COX10: variants seen among roughly 807,000 people sequenced by gnomAD.
The protein encoded by COX10 is cytochrome c oxidase assembly factor heme A:farnesyltransferase COX10.
In COX10, 27 loss-of-function variants were observed where a neutral mutation model predicts 37.3. The observed-to-expected ratio is 0.72, with a 90% CI of 0.53 to 1.00. The LOEUF (loss-of-function observed/expected upper bound fraction) is 1.00. COX10 is among the 50% of genes least tolerant of loss of function. The pLI is 0.00. For synonymous variants in COX10, 222 were observed against 229.1 expected (o/e 0.97, Z 0.28); for missense variants, 475 against 563.2 (o/e 0.84, Z 1.59).
intron 5 of COX10, among the ~76,000 whole-genome samples, chr17:14,176,328 G>A (rs1905686889): frequency 6.6e-6 from 1 of 152,158 alleles, no homozygotes. Flanking sequence ...CCCAGAGAAG[G>A]TGCAGCTCCC....
intron 3 of COX10, among the ~76,000 whole-genome samples, chr17:14,088,921 C>T (rs1159351100): frequency 3.3e-5 from 5 of 152,132 alleles, no homozygotes; most frequent in African/African-American, 1.2e-4. Flanking sequence ...TGTGGAAAGG[C>T]AGAAACCTCC....
chr17:14,132,984 A>G lies in COX10; in HGVS notation c.625-26893A>G, dbSNP rs116598927. 1.0e-2 allele frequency among the ~76,000 whole-genome samples: 1,512 copies of G among 151,834 alleles called. 20 individuals carry two copies. The highest frequency in any genetic ancestry group is 0.034 in the African/African-American group (1,428 of 41,532). ...TAAAAGAAACAGTACAACTCAATCA[A>G]TTTGGAAATTTTGTTGAGATTTTTA... On this transcript the variant is annotated intron_variant, in intron 4 of 6. Coordinates refer to ENST00000261643, the MANE Select transcript of COX10 (RefSeq NM_001303.4).
intron 4 of COX10, among the ~76,000 whole-genome samples, chr17:14,141,993 G>T (rs1904558451): frequency 6.6e-6 from 1 of 152,102 alleles, no homozygotes; most frequent in South Asian, 2.1e-4. Context: ...TTTCTGTCTT[G>T]AAGTGTTGTT....
At chr17:14,198,707 A>G (rs1418762311) in intron 6 of COX10, among the ~76,000 whole-genome samples, 1 of 152,152 alleles carries the variant, frequency 6.6e-6, no homozygotes, top group Non-Finnish European at 1.5e-5. Context: ...GTTTCACTTT[A>G]TTTACCTCCC....
At chr17:14,097,914 A>G (rs1915684820) in intron 3 of COX10, among the ~76,000 whole-genome samples, 1 of 152,170 alleles carries the variant, frequency 6.6e-6, no homozygotes, top group Non-Finnish European at 1.5e-5. Flanking sequence ...ACCTAATGCA[A>G]TGTAAATGCT....
chr17:14,145,192 T>TGGGGGGGGGGGGGGGGGGGGGGGGG (rs1904675747), intron 4 of COX10, among the ~76,000 whole-genome samples: 1 of 23,790 alleles, frequency 4.2e-5, no homozygotes, highest in Admixed American at 6.0e-4. Context: ...CAGGGAGGGG[T>TGGGGGGGGGGGGGGGGGGGGGGGGG]GGGTGGGGGC....
intron 4 of COX10, among the ~76,000 whole-genome samples, chr17:14,108,614 A>T (rs934376476): frequency 1.3e-5 from 2 of 152,008 alleles, no homozygotes; most frequent in Non-Finnish European, 2.9e-5. Context: ...TAGGGTCAAG[A>T]AGAGACATGT....
chr17:14,205,990 TATC>T (rs1182322048), intron 6 of COX10, among the ~76,000 whole-genome samples: 1 of 152,142 alleles, frequency 6.6e-6, no homozygotes, highest in East Asian at 1.9e-4. Flanking sequence ...ATAGACAAGT[TATC>T]ATTGTACTCT....
intron 3 of COX10, among the ~76,000 whole-genome samples, chr17:14,094,001 G>A (rs901358359): frequency 6.6e-6 from 1 of 152,178 alleles, no homozygotes; most frequent in Non-Finnish European, 1.5e-5. Flanking sequence ...GAAGGCTGCT[G>A]TGAGCTCTGA....
chr17:14,180,744 G>T (rs995150989), intron 5 of COX10, among the ~76,000 whole-genome samples: 9 of 152,108 alleles, frequency 5.9e-5, no homozygotes, highest in African/African-American at 2.2e-4. Context: ...TAATAATCTA[G>T]GGTCATTTTG....
chr17:14,121,421 A>G (rs1416354311), intron 4 of COX10, among the ~76,000 whole-genome samples: 2 of 152,204 alleles, frequency 1.3e-5, no homozygotes, highest in Non-Finnish European at 2.9e-5. Flanking sequence ...GCTTCAAGCA[A>G]CCTAATAATT....
intron 3 of COX10, among the ~76,000 whole-genome samples, chr17:14,082,001 G>T (rs1460036706): frequency 6.6e-6 from 1 of 152,192 alleles, no homozygotes; most frequent in East Asian, 1.9e-4. Flanking sequence ...AGACCCAGTG[G>T]GGCAGGGGGC....
chr17:14,074,508 T>C (rs1915100194), intron 2 of COX10, 52 bp downstream of exon 2: 3 of 1,311,520 alleles, frequency 2.3e-6, no homozygotes, highest in Non-Finnish European at 3.3e-6. Flanking sequence ...TTTTCTCTGT[T>C]GAGAGAATTT....
At chr17:14,085,241 A>G (rs907074075) in intron 3 of COX10, among the ~76,000 whole-genome samples, 8 of 152,152 alleles carry the variant, frequency 5.3e-5, no homozygotes, top group African/African-American at 1.9e-4. Flanking sequence ...ATGTTCAAGA[A>G]AGGTTAGTTA....
chr17:14,195,978 G>A (rs1906355459), intron 6 of COX10, among the ~76,000 whole-genome samples: 1 of 152,074 alleles, frequency 6.6e-6, no homozygotes, highest in Non-Finnish European at 1.5e-5. Flanking sequence ...ATTATTCACA[G>A]AGGGGATATC....
At chr17:14,120,158 G>A (rs867817427) in intron 4 of COX10, among the ~76,000 whole-genome samples, 19 of 152,236 alleles carry the variant, frequency 1.2e-4, no homozygotes, top group African/African-American at 3.1e-4. Context: ...TACCCAAAGC[G>A]GACCTAGGTT....
intron 5 of COX10, among the ~76,000 whole-genome samples, chr17:14,169,050 A>T (rs1905376684): frequency 6.6e-6 from 1 of 152,254 alleles, no homozygotes; most frequent in Admixed American, 6.5e-5. Context: ...GTAAGTTCCA[A>T]CTTCAGACCA....
intron 4 of COX10, among the ~76,000 whole-genome samples, chr17:14,117,926 A>G (rs563430068): frequency 6.6e-6 from 1 of 152,142 alleles, no homozygotes; most frequent in Non-Finnish European, 1.5e-5. Context: ...AGTGAGATGG[A>G]TGGGGAGCCA....
chr17:14,205,893 C>T (rs944160053), intron 6 of COX10, among the ~76,000 whole-genome samples: 2 of 152,156 alleles, frequency 1.3e-5, no homozygotes, highest in Non-Finnish European at 2.9e-5. Flanking sequence ...CTTCATTCCA[C>T]CCATGTGGGT....
Sources: allele counts gnomAD v4.1 joint callset (sites outside exome capture counted in the v4.1 genomes callset), GRCh38; gene constraint gnomAD v4.1.1; transcripts MANE v1.5; gene names NCBI Gene and HGNC (gene_info 2026-07-23, HGNC 2026-07-21).